Variants in TET2 observed in about 807,000 individuals in gnomAD.
TET2 encodes the protein tet methylcytosine dioxygenase 2.
TET2 carries 299 observed loss-of-function variants against 142.9 expected under a neutral mutation model. The ratio of observed to expected loss-of-function variants is 2.09; its 90% CI spans 1.90 to 2.30. The LOEUF (loss-of-function observed/expected upper bound fraction) is 2.30, where lower values mean the gene tolerates loss of function less well. Ranked by LOEUF, TET2 falls within the 30% of genes most tolerant of loss-of-function variation. The pLI, the probability that TET2 is intolerant of heterozygous loss-of-function variation, is 0.00. For missense variants in TET2, 2,418 were observed against 2,378.0 expected, an observed-to-expected ratio of 1.02 and a Z score of -0.35; for synonymous variants, 819 against 849.0, an observed-to-expected ratio of 0.96 and a Z score of 0.61.
At chr4:105,218,318 C>G (rs917004572) in intron 2 of TET2, among the ~76,000 whole-genome samples, 1 of 152,058 alleles carries the variant, frequency 6.6e-6, no homozygotes, top group Non-Finnish European at 1.5e-5. Flanking sequence ...AGCACCAAAT[C>G]TACCTCTTTG....
chr4:105,224,188 A>G (rs1425966120), intron 2 of TET2, among the ~76,000 whole-genome samples: 1 of 152,130 alleles, frequency 6.6e-6, no homozygotes, highest in Non-Finnish European at 1.5e-5. Context: ...AATAAAACAA[A>G]AACAAAATCA....
At chr4:105,265,271 T>G (rs1432140894) in intron 8 of TET2, among the ~76,000 whole-genome samples, 1 of 152,194 alleles carries the variant, frequency 6.6e-6, no homozygotes, top group Non-Finnish European at 1.5e-5. Flanking sequence ...GTGGCTAGTG[T>G]AATTGAGTTT....
intron 2 of TET2, among the ~76,000 whole-genome samples, chr4:105,215,983 A>G (rs537548051): frequency 5.9e-5 from 9 of 152,292 alleles, no homozygotes; most frequent in Admixed American, 2.6e-4. Context: ...TGACTAAAGT[A>G]CCTTTTCTAT....
intron 8 of TET2, among the ~76,000 whole-genome samples, chr4:105,269,226 CAAAT>C (rs1481385495): frequency 1.3e-5 from 2 of 152,056 alleles, no homozygotes; most frequent in East Asian, 3.9e-4. Flanking sequence ...AAATTAACTC[CAAAT>C]AAATCCATTT....
Position 105,234,081 on chromosome 4 carries a change from GA to G in TET2, c.141del (p.Val48Ter). On this transcript the variant is annotated frameshift_variant, in exon 3 of 11. Transcript: ENST00000380013. LOFTEE classifies it high-confidence loss of function. Reference protein sequence around the residue: ...GSPLPERAHPEVNGDTKWHSF... With the variant: ...GSPLPERAHPXVNGDTKWHSF... ...CCCACTGCCTGAGAGAGCTCATCCA[GA>G]AGTAAATGGAGACACCAAGTGGCAC... 6.2e-7 allele frequency: 1 copy of G among 1,614,056 alleles called. No individual in the cohort carries two copies. The highest frequency in any genetic ancestry group is 8.5e-7 in the Non-Finnish European group (1 of 1,179,998).
At position 105,244,462 on chromosome 4, in the gene TET2, C is replaced by T. The variant is rs1264167875; in HGVS notation, c.3803+684C>T. On this transcript the variant is annotated intron_variant, in intron 6 of 10. Coordinates refer to ENST00000380013, the MANE Select transcript of TET2 (RefSeq NM_001127208.3). ...GCTAATGTTTTGTTTTAAACACCATCCACTTTGCATGAAGTCTAAACCTTC... is the reference window on the plus strand; with the variant it reads ...GCTAATGTTTTGTTTTAAACACCATTCACTTTGCATGAAGTCTAAACCTTC... Among the ~76,000 whole-genome samples, 4 of 152,212 alleles carry T rather than the reference C, an allele frequency of 2.6e-5. No individual in the cohort carries two copies. In the East Asian group the frequency reaches 7.7e-4, roughly 29 times the overall value.
chr4:105,209,767 G>A (rs759188797), intron 2 of TET2, among the ~76,000 whole-genome samples: 4 of 152,168 alleles, frequency 2.6e-5, no homozygotes, highest in Non-Finnish European at 5.9e-5. Context: ...GTATAGAGGT[G>A]TGAAGATCTA....
intron 2 of TET2, among the ~76,000 whole-genome samples, chr4:105,214,571 C>T (rs1727376130): frequency 6.8e-6 from 1 of 146,394 alleles, no homozygotes; most frequent in African/African-American, 2.5e-5. Flanking sequence ...TTGGCTCAAA[C>T]CACCACACCC....
intron 6 of TET2, among the ~76,000 whole-genome samples, chr4:105,245,738 A>G (rs1729553823): frequency 6.6e-6 from 1 of 152,234 alleles, no homozygotes; most frequent in South Asian, 2.1e-4. Context: ...AATTAAGGCA[A>G]CTTGTGCTCA....
intron 2 of TET2, among the ~76,000 whole-genome samples, chr4:105,211,252 C>G (rs371525962): frequency 2.6e-5 from 4 of 152,188 alleles, no homozygotes; most frequent in African/African-American, 9.6e-5. Flanking sequence ...TCTAAATAGT[C>G]CTGTTTTAGT....
intron 2 of TET2, among the ~76,000 whole-genome samples, chr4:105,209,049 GTATATATATATATATATATATATA>G (rs36045001): frequency 0.15 from 6,573 of 44,436 alleles, 654 homozygotes; most frequent in African/African-American, 0.24. Flanking sequence ...TCAAGGCATG[GTATATATATATATATATATATATA>G]TATATATATA....
chr4:105,234,392 T>A lies in TET2; in HGVS notation c.450T>A (p.Ser150=). 1 of 1,614,084 alleles carries A rather than the reference T, an allele frequency of 6.2e-7. No individual in the cohort carries two copies. The highest frequency in any genetic ancestry group is 1.1e-5 in the South Asian group (1 of 91,080). The change falls in exon 3 of 11, where the codon TCT becomes TCA. Residue 150 remains serine, a synonymous_variant. Coordinates refer to ENST00000380013, the MANE Select transcript of TET2 (RefSeq NM_001127208.3). ...NVSDLSDKKE[S]VSSVAQENAV... ...CCGATTTGAGTGATAAGAAAGAATC[T>A]GTGAGTTCTGTAGCCCAAGAAAATG...
At chr4:105,245,191 A>T (rs1014382250) in intron 6 of TET2, among the ~76,000 whole-genome samples, 14 of 152,216 alleles carry the variant, frequency 9.2e-5, no homozygotes, top group Non-Finnish European at 2.9e-5. Context: ...TGAAAGTGTG[A>T]CTTGACTTTC....
rs61328453 is a variant in TET2 at position 105,278,171 on chromosome 4, CATATAT to C, written c.*1679_*1684del. On this transcript the variant is annotated 3_prime_UTR_variant, in exon 11 of 11. Transcript: ENST00000380013. ...GTACTGTAAAAAAATTAAATATATA[CATATAT>C]ATATATATATATATATATATATATA... 0.016 allele frequency: 1,852 copies of C among 114,084 alleles called. 24 individuals carry two copies. The highest frequency in any genetic ancestry group is 0.049 in the Middle Eastern group (11 of 226). The allele number at this position is 114,084 out of a possible 1,614,324, so 7.1% of individuals were successfully genotyped here.
chr4:105,189,160 C>T (rs1725637095), intron 1 of TET2, among the ~76,000 whole-genome samples: 1 of 151,826 alleles, frequency 6.6e-6, no homozygotes, highest in African/African-American at 2.4e-5. Context: ...TAAGAGACCT[C>T]CCTTCTTACT....
chr4:105,242,415 G>A (rs1003970155), intron 4 of TET2: 70 of 1,083,688 alleles, frequency 6.5e-5, no homozygotes, highest in South Asian at 1.8e-4. Context: ...TCTAAATTGT[G>A]AGACATTCTT....
At chr4:105,207,971 A>C (rs1029074521) in intron 2 of TET2, among the ~76,000 whole-genome samples, 1 of 152,154 alleles carries the variant, frequency 6.6e-6, no homozygotes, top group African/African-American at 2.4e-5. Context: ...TCCATTTTGG[A>C]TAAGTTGAAT....
intron 7 of TET2, among the ~76,000 whole-genome samples, chr4:105,261,508 G>A (rs965739119): frequency 6.6e-6 from 1 of 152,034 alleles, no homozygotes; most frequent in Non-Finnish European, 1.5e-5. Context: ...ACAGGCTTGT[G>A]TGTATAAAAT....
rs1729000292 is a variant in TET2, at chr4:105,237,202, C to A, written c.3260C>A (p.Ser1087Tyr). The A allele has an allele frequency of 6.2e-7, 1 of 1,614,026 alleles. No individual in the cohort carries two copies. Among genetic ancestry groups the A allele is most frequent in the Non-Finnish European group, 8.5e-7 (1 of 1,180,026 alleles). Residue 1087 changes from serine to tyrosine, a missense_variant, in exon 3 of 11, where the codon TCT becomes TAT. Physicochemically the swap from Ser to Tyr is moderately radical, Grantham distance 144. Coordinates refer to ENST00000380013, the MANE Select transcript of TET2 (RefSeq NM_001127208.3). Reference sequence around the variant, plus strand: ...CCAGCTTTAGAGCAGCAAACAACTTCTTCAGAAAAGACACCAACCAAAAGA... The same window carrying A: ...CCAGCTTTAGAGCAGCAAACAACTTATTCAGAAAAGACACCAACCAAAAGA... ...HTPALEQQTT[S>Y]SEKTPTKRTA...
Sources: gnomAD v4.1 joint callset for allele counts (sites outside exome capture counted in the v4.1 genomes callset) on GRCh38, gnomAD v4.1.1 for gene constraint, MANE v1.5 for transcripts, NCBI Gene and HGNC (gene_info 2026-07-23, HGNC 2026-07-21) for gene names.